Variants in ARHGAP10 observed in about 807,000 individuals in gnomAD.
ARHGAP10 encodes Rho GTPase activating protein 10.
In ARHGAP10, 87 loss-of-function variants were observed where a neutral mutation model predicts 108.6. The observed-to-expected ratio is 0.80, with a 90% CI of 0.67 to 0.96. The LOEUF (loss-of-function observed/expected upper bound fraction) is 0.96, where lower values mean the gene tolerates loss of function less well. Among genes scored for constraint, ARHGAP10 ranks in the 40% least tolerant of loss-of-function variants. The probability of loss-of-function intolerance (pLI) is 0.00; values close to 1 mark genes in which losing one functional copy is unlikely to be tolerated. For synonymous variants in ARHGAP10, 347 were observed against 341.1 expected (o/e 1.02, Z -0.19); for missense variants, 939 against 954.5 (o/e 0.98, Z 0.21).
intron 11 of ARHGAP10, among the ~76,000 whole-genome samples, chr4:147,909,142 C>T (rs996686603): frequency 1.3e-5 from 2 of 152,088 alleles, no homozygotes; most frequent in Non-Finnish European, 2.9e-5. Flanking sequence ...CAGATTAGCT[C>T]ACAGAACTGA....
intron 3 of ARHGAP10, among the ~76,000 whole-genome samples, chr4:147,829,343 G>A (rs1466317485): frequency 6.6e-6 from 1 of 151,898 alleles, no homozygotes; most frequent in African/African-American, 2.4e-5. Flanking sequence ...GTGAGCCACC[G>A]CGCCCAGCCA....
At chr4:147,835,553 T>C (rs1403887989) in intron 3 of ARHGAP10, among the ~76,000 whole-genome samples, 3 of 152,094 alleles carry the variant, frequency 2.0e-5, no homozygotes, top group Admixed American at 6.5e-5. Flanking sequence ...TTTGTATTTT[T>C]AGTAGAGACA....
intron 4 of ARHGAP10, chr4:147,854,924 C>T (rs1479157203): frequency 5.3e-6 from 5 of 947,760 alleles, no homozygotes; most frequent in Admixed American, 1.2e-4. Flanking sequence ...CTTTCATTCC[C>T]AACTTTACCC....
intron 10 of ARHGAP10, among the ~76,000 whole-genome samples, chr4:147,900,112 TCTACA>T (rs1313587024): frequency 1.3e-5 from 2 of 152,212 alleles, no homozygotes; most frequent in African/African-American, 4.8e-5. Flanking sequence ...AAGCCTGTCT[TCTACA>T]TGGTTTGATA....
At chr4:147,866,685 AAT>A in intron 6 of ARHGAP10, 25 bp from the exon 7 acceptor site, 1 of 1,540,100 alleles carries the variant, frequency 6.5e-7, no homozygotes, top group East Asian at 2.3e-5. Flanking sequence ...TTTTTGTGCT[AAT>A]ATCTCTTTTC....
At chr4:147,762,847 C>T (rs1382317687) in intron 1 of ARHGAP10, among the ~76,000 whole-genome samples, 1 of 148,508 alleles carries the variant, frequency 6.7e-6, no homozygotes, top group African/African-American at 2.5e-5. Context: ...TATTTTTTAA[C>T]TTGACTAAGT....
intron 18 of ARHGAP10, among the ~76,000 whole-genome samples, chr4:148,002,861 C>A (rs377359183): frequency 1.3e-5 from 2 of 152,112 alleles, no homozygotes; most frequent in South Asian, 2.1e-4. Context: ...TTTCAAAAAA[C>A]CAGCTCCTGG....
At chr4:147,935,548 T>C (rs1737891896) in intron 13 of ARHGAP10, among the ~76,000 whole-genome samples, 1 of 152,184 alleles carries the variant, frequency 6.6e-6, no homozygotes, top group Admixed American at 6.5e-5. Context: ...TACTTGTTGA[T>C]CAGAAATAGT....
intron 22 of ARHGAP10, 152 bp from the exon 23 acceptor site, chr4:148,071,841 G>A (rs1560904226): frequency 1.6e-6 from 1 of 629,178 alleles, no homozygotes; most frequent in Non-Finnish European, 2.8e-6. Flanking sequence ...GGCAGAGCCT[G>A]TCAATGACCC....
chr4:148,009,010 T>A (rs189739489), intron 18 of ARHGAP10, among the ~76,000 whole-genome samples: 51 of 152,324 alleles, frequency 3.3e-4, no homozygotes, highest in Non-Finnish European at 1.6e-4. Context: ...TATTAAATAA[T>A]ACATATATTT....
chr4:147,736,381 T>G (rs1261544535), intron 1 of ARHGAP10, among the ~76,000 whole-genome samples: 1 of 152,214 alleles, frequency 6.6e-6, no homozygotes, highest in Non-Finnish European at 1.5e-5. Flanking sequence ...GAAATATTCT[T>G]TTGGGGAAAT....
intron 22 of ARHGAP10, among the ~76,000 whole-genome samples, chr4:148,071,314 A>G (rs879937539): frequency 1.3e-5 from 2 of 152,230 alleles, no homozygotes; most frequent in African/African-American, 2.4e-5. Context: ...GTTACAGACC[A>G]GTAAGGAGCT....
intron 1 of ARHGAP10, chr4:147,809,304 C>T (rs1731918420): frequency 6.6e-6 from 1 of 152,166 alleles, no homozygotes; most frequent in Admixed American, 6.5e-5. Context: ...TATCTGCAGC[C>T]GTTTGTGGAA....
At chr4:147,779,841 A>C (rs1730457793) in intron 1 of ARHGAP10, among the ~76,000 whole-genome samples, 1 of 152,148 alleles carries the variant, frequency 6.6e-6, no homozygotes, top group African/African-American at 2.4e-5. Context: ...TTGACCCTGA[A>C]ATTTCCTCTT....
At chr4:147,993,006 A>G (rs1480149965) in intron 18 of ARHGAP10, among the ~76,000 whole-genome samples, 2 of 152,222 alleles carry the variant, frequency 1.3e-5, no homozygotes, top group Non-Finnish European at 2.9e-5. Flanking sequence ...AGTCATTACT[A>G]CTTCTTATGC....
At chr4:148,049,795 G>GTTTT (rs150272022) in intron 20 of ARHGAP10, among the ~76,000 whole-genome samples, 19,548 of 132,118 alleles carry the variant, frequency 0.15, 1,450 homozygotes, top group South Asian at 0.21. Flanking sequence ...TCATAAAATT[G>GTTTT]TTTTTTTTGT....
At chr4:148,070,606 G>A (rs939543753) in intron 22 of ARHGAP10, among the ~76,000 whole-genome samples, 3 of 152,114 alleles carry the variant, frequency 2.0e-5, no homozygotes, top group African/African-American at 7.2e-5. Context: ...ACAAATCTAT[G>A]GGGAAAAAAA....
chr4:147,774,381 A>G (rs1398707935), intron 1 of ARHGAP10, among the ~76,000 whole-genome samples: 4 of 152,136 alleles, frequency 2.6e-5, no homozygotes, highest in Admixed American at 6.5e-5. Flanking sequence ...CAGGTATCCA[A>G]TGTTGTTGGA....
intron 18 of ARHGAP10, among the ~76,000 whole-genome samples, chr4:148,005,405 G>A (rs1056724097): frequency 1.3e-5 from 2 of 152,014 alleles, no homozygotes; most frequent in Non-Finnish European, 2.9e-5. Context: ...GCAACATAGC[G>A]AGACCCCATC....
Sources: allele counts gnomAD v4.1 joint callset (sites outside exome capture counted in the v4.1 genomes callset), GRCh38; gene constraint gnomAD v4.1.1; transcripts MANE v1.5; gene names NCBI Gene and HGNC (gene_info 2026-07-23, HGNC 2026-07-21).